The following ZNF469 variants were observed in gnomAD, a reference collection of about 807,000 sequenced individuals.
ZNF469 encodes zinc finger protein 469.
A neutral mutation model predicts 1.0 loss-of-function variants in ZNF469; 1 was observed. The observed-to-expected ratio is 1.00, with a 90% CI of 0.35 to 4.73. The LOEUF (loss-of-function observed/expected upper bound fraction) is 4.73, where lower values mean the gene tolerates loss of function less well. Among genes scored for constraint, ZNF469 ranks in the 30% most tolerant of loss-of-function variants. The probability of loss-of-function intolerance (pLI) is 0.16; values close to 1 mark genes in which losing one functional copy is unlikely to be tolerated. For missense variants in ZNF469, 6,100 were observed against 5,356.3 expected (o/e 1.14, Z -4.33); for synonymous variants, 2,703 against 2,363.4 (o/e 1.14, Z -4.17).
chr16:88,296,287 G>T, the ZNF469 span, among the ~76,000 whole-genome samples: 24 of 152,334 alleles, frequency 1.6e-4, no homozygotes, highest in Non-Finnish European at 2.8e-4. Context: ...ACTGGGGATG[G>T]CAAGGTGGGC....
chr16:88,135,239 A>G, the ZNF469 span, among the ~76,000 whole-genome samples: 4 of 152,174 alleles, frequency 2.6e-5, no homozygotes, highest in Non-Finnish European at 4.4e-5. Flanking sequence ...CCTTTATCTC[A>G]CAAGGCCTCT....
chr16:88,196,683 C>G, the ZNF469 span, among the ~76,000 whole-genome samples: 2 of 152,194 alleles, frequency 1.3e-5, no homozygotes, highest in Admixed American at 1.3e-4. Context: ...TTGCTCTGCC[C>G]AAATTGTCTT....
intron 1 of ZNF469, among the ~76,000 whole-genome samples, chr16:88,383,647 G>C (rs1432546789): frequency 6.6e-6 from 1 of 150,814 alleles, no homozygotes; most frequent in Non-Finnish European, 1.5e-5. Context: ...AGCGGGGCCC[G>C]GGCCGCCCCA....
At chr16:88,249,517 A>G in the ZNF469 span, among the ~76,000 whole-genome samples, 1 of 135,592 alleles carries the variant, frequency 7.4e-6, no homozygotes, top group Non-Finnish European at 1.5e-5. Context: ...GCTCACTGCA[A>G]GCTCCACCTC....
At chr16:88,398,352 G>A (rs536614028) in intron 1 of ZNF469, among the ~76,000 whole-genome samples, 38 of 151,886 alleles carry the variant, frequency 2.5e-4, no homozygotes, top group Non-Finnish European at 4.0e-4. Flanking sequence ...AGGGACACGT[G>A]AGCCACGGAT....
the ZNF469 span, among the ~76,000 whole-genome samples, chr16:88,247,379 A>ATTG: frequency 1.1e-5 from 1 of 91,120 alleles, no homozygotes. Flanking sequence ...TGAGTGAGTG[A>ATTG]ATGAATGAGT....
the ZNF469 span, among the ~76,000 whole-genome samples, chr16:88,155,303 G>A: frequency 5.3e-5 from 8 of 152,348 alleles, no homozygotes; most frequent in East Asian, 5.8e-4. Flanking sequence ...TTTGAATGAC[G>A]GCTTTATTGA....
the ZNF469 span, among the ~76,000 whole-genome samples, chr16:88,132,903 G>C: frequency 6.6e-6 from 1 of 152,200 alleles, no homozygotes; most frequent in South Asian, 2.1e-4. Context: ...CAGCTGCCTT[G>C]GGCAGCACTG....
At chr16:88,213,660 C>A in the ZNF469 span, among the ~76,000 whole-genome samples, 16 of 152,208 alleles carry the variant, frequency 1.1e-4, no homozygotes, top group African/African-American at 1.7e-4. Flanking sequence ...TCCTCCTCCC[C>A]CAAAAGGGTT....
chr16:88,388,283 C>T (rs1485993606), intron 1 of ZNF469, among the ~76,000 whole-genome samples: 6 of 152,240 alleles, frequency 3.9e-5, no homozygotes, highest in Non-Finnish European at 8.8e-5. Context: ...GGGGACATTC[C>T]GTCCCCTGGC....
At chr16:88,222,436 A>C in the ZNF469 span, among the ~76,000 whole-genome samples, 2 of 152,178 alleles carry the variant, frequency 1.3e-5, no homozygotes, top group African/African-American at 4.8e-5. Flanking sequence ...CTACAAGTGC[A>C]TGCCATCATA....
the ZNF469 span, among the ~76,000 whole-genome samples, chr16:88,234,452 G>T: frequency 6.6e-6 from 1 of 152,220 alleles, no homozygotes; most frequent in East Asian, 1.9e-4. Context: ...TGAGGACGAA[G>T]CCAGGGAGGG....
chr16:88,437,210 A>G lies in ZNF469; in HGVS notation c.9740A>G (p.Lys3247Arg). 1 of 1,549,444 alleles carries G rather than the reference A, an allele frequency of 6.5e-7. No homozygotes were observed. The highest frequency in any genetic ancestry group is 8.7e-7 in the Non-Finnish European group (1 of 1,146,508). ...KHHRGKRSAG[K>R]AAGSPGDPWG... ...CACAGGGGCAAGCGCTCCGCCGGCA[A>G]GGCCGCCGGGAGCCCGGGAGACCCG... is the stretch of plus-strand genomic sequence containing the variant. The change falls in exon 3 of 3, where the codon AAG (lysine) becomes AGG (arginine). Residue 3247 changes from lysine to arginine, a missense_variant. Coordinates refer to ENST00000565624, the MANE Select transcript of ZNF469 (RefSeq NM_001367624.2).
chr16:88,292,540 C>T, the ZNF469 span, among the ~76,000 whole-genome samples: 8 of 151,978 alleles, frequency 5.3e-5, no homozygotes, highest in African/African-American at 1.7e-4. Context: ...GTGTGACGCA[C>T]GTGGGGAAGG....
chr16:88,372,377 C>G, the ZNF469 span, among the ~76,000 whole-genome samples: 20 of 142,466 alleles, frequency 1.4e-4, no homozygotes, highest in African/African-American at 5.1e-4. Context: ...ACCATCATCC[C>G]CATCATCATC....
At chr16:88,301,619 A>G in the ZNF469 span, among the ~76,000 whole-genome samples, 1 of 152,200 alleles carries the variant, frequency 6.6e-6, no homozygotes, top group Non-Finnish European at 1.5e-5. Flanking sequence ...CACCATTTGT[A>G]GCCACGTCCA....
the ZNF469 span, among the ~76,000 whole-genome samples, chr16:88,282,994 C>A: frequency 6.6e-6 from 1 of 152,176 alleles, no homozygotes; most frequent in Non-Finnish European, 1.5e-5. Flanking sequence ...AGGACCCCAG[C>A]GATTCCCTCC....
the ZNF469 span, among the ~76,000 whole-genome samples, chr16:88,186,829 C>T: frequency 2.6e-5 from 4 of 152,294 alleles, no homozygotes; most frequent in Non-Finnish European, 5.9e-5. Flanking sequence ...CGGGGGGATG[C>T]GGTCAGCCAA....
At chr16:88,193,078 G>GGTGT in the ZNF469 span, among the ~76,000 whole-genome samples, 1 of 58,916 alleles carries the variant, frequency 1.7e-5, no homozygotes, top group Non-Finnish European at 3.6e-5. Context: ...GGTGGTGGTG[G>GGTGT]TGATGGTGGT....
Sources: allele counts gnomAD v4.1 joint callset (sites outside exome capture counted in the v4.1 genomes callset), GRCh38; gene constraint gnomAD v4.1.1; transcripts MANE v1.5; gene names NCBI Gene and HGNC (gene_info 2026-07-23, HGNC 2026-07-21).